Variants in NAV1 observed in about 807,000 individuals in gnomAD.
NAV1 encodes the protein neuron navigator 1.
NAV1 carries 18 observed loss-of-function variants against 175.2 expected under a neutral mutation model. The ratio of observed to expected loss-of-function variants is 0.10; its 90% CI spans 0.07 to 0.15. The LOEUF is 0.15. Ranked by LOEUF, NAV1 falls within the 10% of genes least tolerant of loss-of-function variation. The pLI is 1.00. For missense variants in NAV1, 1,731 were observed against 2,436.6 expected (o/e 0.71, Z 6.10); for synonymous variants, 897 against 978.7 (o/e 0.92, Z 1.56).
intron 1 of NAV1, among the ~76,000 whole-genome samples, chr1:201,558,833 T>C (rs749944443): frequency 7.9e-5 from 12 of 152,182 alleles, no homozygotes; most frequent in Admixed American, 2.6e-4. Context: ...AGGGAAGGAA[T>C]CAAAAGCAAT....
upstream of NAV1, among the ~76,000 whole-genome samples, chr1:201,643,816 C>T (rs985119261): frequency 8.5e-5 from 13 of 152,220 alleles, 1 homozygote; most frequent in African/African-American, 2.9e-4. Flanking sequence ...TCCCAACTGA[C>T]AGATTCCCCA....
chr1:201,543,379 A>G (rs1665570668), intron 1 of NAV1, among the ~76,000 whole-genome samples: 1 of 151,978 alleles, frequency 6.6e-6, no homozygotes. Flanking sequence ...TGTTTTCTGT[A>G]TCACTCGAGA....
At chr1:201,692,050 C>T (rs1670969373) in intron 1 of NAV1, among the ~76,000 whole-genome samples, 1 of 152,206 alleles carries the variant, frequency 6.6e-6, no homozygotes, top group Middle Eastern at 3.2e-3. Context: ...TCCCTTTACC[C>T]TGCCCCATTC....
At chr1:201,803,632 C>T in exon 16 of NAV1, 1 of 1,613,734 alleles carries the variant, frequency 6.2e-7, no homozygotes, top group Non-Finnish European at 8.5e-7. Flanking sequence ...GATAGCATCT[C>T]AAGCCTCAAC....
rs190945431 is a variant in NAV1 at position 201,686,709 on chromosome 1, A to G, written c.758-26108A>G. 6.9e-4 allele frequency among the ~76,000 whole-genome samples: 105 copies of G among 152,258 alleles called. 1 individual carries two copies. The highest frequency in any genetic ancestry group is 2.4e-3 in the African/African-American group (99 of 41,548). ...GTAGGCAGGTTTTCTCTTGCTAGTT[A>G]TCTTGCCACCTTTGCCTCCTAAAGA... On this transcript the variant is annotated intron_variant, in intron 1 of 29. Transcript: ENST00000367296.
At chr1:201,573,830 C>G (rs1349362742) in intron 1 of NAV1, among the ~76,000 whole-genome samples, 2 of 152,110 alleles carry the variant, frequency 1.3e-5, no homozygotes, top group Non-Finnish European at 2.9e-5. Context: ...CAGCGGGTGC[C>G]TGGACCCCAA....
chr1:201,809,644 C>A, intron 22 of NAV1, 107 bp downstream of exon 26: 1 of 1,034,560 alleles, frequency 9.7e-7, no homozygotes, highest in African/African-American at 1.6e-5. Context: ...AGGGCAGTGG[C>A]GTGATCACAG....
intron 8 of NAV1, among the ~76,000 whole-genome samples, chr1:201,785,567 A>G (rs576857532): frequency 6.6e-6 from 1 of 150,916 alleles, no homozygotes; most frequent in South Asian, 2.1e-4. Flanking sequence ...TTTTGGTGAC[A>G]GGGGAGAAAC....
At chr1:201,744,305 TATG>T (rs1673623444) in intron 3 of NAV1, among the ~76,000 whole-genome samples, 1 of 117,962 alleles carries the variant, frequency 8.5e-6, no homozygotes, top group African/African-American at 3.3e-5. Context: ...GACGGCTATG[TATG>T]TATGTATGTA....
chr1:201,712,803 T>C lies in NAV1; in HGVS notation c.758-14T>C, dbSNP rs531817545. 2.5e-6 allele frequency: 4 copies of C among 1,589,538 alleles called. No individual in the cohort carries two copies. The South Asian group carries it at 4.4e-5, about 18-fold the overall frequency. ...TCTCTTCACTCACCCAGCTCTTCCTTCTCTCCCTACCAGACCCAGAGTCCC... is the reference window on the plus strand; with the variant it reads ...TCTCTTCACTCACCCAGCTCTTCCTCCTCTCCCTACCAGACCCAGAGTCCC... On this transcript the variant is annotated splice_polypyrimidine_tract_variant and intron_variant, in intron 1 of 29. Coordinates refer to ENST00000367296, the Ensembl canonical transcript of NAV1.
chr1:201,771,231 T>C (rs1464839229), intron 3 of NAV1, among the ~76,000 whole-genome samples: 5 of 91,312 alleles, frequency 5.5e-5, no homozygotes, highest in African/African-American at 1.4e-4. Context: ...AGAGCGAGAC[T>C]CCGTCTCAAA....
At chr1:201,712,120 ATCCCT>A (rs1456017561) in intron 1 of NAV1, among the ~76,000 whole-genome samples, 3 of 152,110 alleles carry the variant, frequency 2.0e-5, no homozygotes, top group Non-Finnish European at 4.4e-5. Flanking sequence ...ATGACTGCTC[ATCCCT>A]TCCACCTCCC....
intron 11 of NAV1, 89 bp downstream of exon 15, chr1:201,789,881 CG>C: frequency 7.8e-7 from 1 of 1,286,698 alleles, no homozygotes. Context: ...GGTAACTGGG[CG>C]GGGGATGGGG....
At chr1:201,659,130 C>T (rs1175891722) in intron 1 of NAV1, among the ~76,000 whole-genome samples, 1 of 152,202 alleles carries the variant, frequency 6.6e-6, no homozygotes, top group African/African-American at 2.4e-5. Flanking sequence ...AACCAGACTA[C>T]CTATAGCAGA....
Position 201,788,725 on chromosome 1 carries a change from A to G in NAV1, c.3166+87A>G, listed in dbSNP as rs1194564116. ...CACCTCCACTCCCACCACTCCTACCACCACACACATATATGATTCACAGAA... is the reference window on the plus strand; with the variant it reads ...CACCTCCACTCCCACCACTCCTACCGCCACACACATATATGATTCACAGAA... On this transcript the variant is annotated intron_variant, in intron 10 of 29. Transcript: ENST00000367296. This position sits in a 1 kb window ranked among gnomAD's most constrained non-coding sequence, Gnocchi z 5.7. The G allele has an allele frequency of 1.3e-5, 17 of 1,356,954 alleles. No individual in the cohort carries two copies. The highest frequency in any genetic ancestry group is 1.5e-5 in the Non-Finnish European group (15 of 987,696). 84.1% of individuals were successfully genotyped at this position (1,356,954 alleles called of 1,614,324 possible).
intron 3 of NAV1, among the ~76,000 whole-genome samples, chr1:201,776,837 C>A (rs1319518333): frequency 6.6e-6 from 1 of 151,068 alleles, no homozygotes; most frequent in Non-Finnish European, 1.5e-5. Flanking sequence ...AGATTCAAAG[C>A]ATCCGGTAAA....
intron 1 of NAV1, among the ~76,000 whole-genome samples, chr1:201,543,020 T>C (rs983150374): frequency 6.6e-6 from 1 of 152,270 alleles, no homozygotes; most frequent in African/African-American, 2.4e-5. Context: ...GTAGCTTTTT[T>C]GTTTCTGGAT....
intron 15 of NAV1, 65 bp from the exon 20 acceptor site, chr1:201,803,528 T>C (rs1398451311): frequency 1.3e-6 from 2 of 1,547,384 alleles, no homozygotes; most frequent in Middle Eastern, 1.7e-4. Context: ...GCCACTAGAC[T>C]TGCCTGAAGT....
Position 201,810,624 on chromosome 1 carries a change from G to A in NAV1, c.4663G>A (p.Val1555Ile), listed in dbSNP as rs369401084. 30 of 1,614,034 alleles carry A rather than the reference G, an allele frequency of 1.9e-5. No homozygotes were observed. In the Admixed American group the frequency reaches 2.8e-4, roughly 15 times the overall value. ...CCTCCTGCTGAAGCACCGGCGCCTC[G>A]TCCTCTCGGGCCCCAGCGGCACGGG... Residue 1555 changes from valine to isoleucine, a missense_variant, in exon 24 of 30, where the codon GTC becomes ATC. This residue lies in a region of NAV1 where 115 missense variants were observed against 269.4 expected (regional missense o/e 0.43). Coordinates refer to ENST00000367296, the Ensembl canonical transcript of NAV1. This position sits in a 1 kb window ranked among gnomAD's most constrained non-coding sequence, Gnocchi z 6.0.
Sources: allele counts gnomAD v4.1 joint callset (sites outside exome capture counted in the v4.1 genomes callset), GRCh38; gene constraint gnomAD v4.1.1; regional missense constraint gnomAD v4.1.1; non-coding constraint Gnocchi (gnomAD v3.1); transcripts MANE v1.5; gene names NCBI Gene and HGNC (gene_info 2026-07-23, HGNC 2026-07-21).